The following TLK2 variants were observed in gnomAD, a reference collection of about 807,000 sequenced individuals.
TLK2 encodes tousled like kinase 2.
A neutral mutation model predicts 117.3 loss-of-function variants in TLK2; 6 were observed. The ratio of observed to expected loss-of-function variants is 0.05; its 90% CI spans 0.03 to 0.10. The LOEUF (loss-of-function observed/expected upper bound fraction) is 0.10, where lower values mean the gene tolerates loss of function less well. Ranked by LOEUF, TLK2 falls within the 10% of genes least tolerant of loss-of-function variation. The pLI, the probability that TLK2 is intolerant of heterozygous loss-of-function variation, is 1.00. For missense variants in TLK2, 299 were observed against 901.2 expected, an observed-to-expected ratio of 0.33 and a Z score of 8.56; for synonymous variants, 257 against 316.7, an observed-to-expected ratio of 0.81 and a Z score of 2.00.
At chr17:62,530,125 T>A (rs1174561057) in intron 6 of TLK2, among the ~76,000 whole-genome samples, 2 of 151,998 alleles carry the variant, frequency 1.3e-5, no homozygotes, top group African/African-American at 4.8e-5. Flanking sequence ...ATACAAAAAC[T>A]TAGCTGGGCT....
chr17:62,596,576 T>C lies in TLK2; in HGVS notation c.1461-9T>C. The C allele has an allele frequency of 3.7e-6, 6 of 1,612,088 alleles. No individual in the cohort carries two copies. Among genetic ancestry groups the C allele is most frequent in the Non-Finnish European group, 4.2e-6 (5 of 1,178,400 alleles). Reference sequence around the variant, plus strand: ...ATACCTTCTTGTTAATTTTCCCTTTTGTTTACAGGCATGCATGTAGGGAAT... The same window carrying C: ...ATACCTTCTTGTTAATTTTCCCTTTCGTTTACAGGCATGCATGTAGGGAAT... On this transcript the variant is annotated splice_polypyrimidine_tract_variant and intron_variant, in intron 16 of 21. Transcript: ENST00000346027.
intron 2 of TLK2, among the ~76,000 whole-genome samples, chr17:62,505,997 C>T (rs1466417266): frequency 6.6e-6 from 1 of 152,202 alleles, no homozygotes; most frequent in African/African-American, 2.4e-5. Flanking sequence ...CCAGTCAATA[C>T]ACTTTAATCC....
At chr17:62,589,171 AAAC>A (rs1189403206) in intron 16 of TLK2, among the ~76,000 whole-genome samples, 2 of 152,160 alleles carry the variant, frequency 1.3e-5, no homozygotes, top group African/African-American at 4.8e-5. Flanking sequence ...TATATTATAA[AAAC>A]AAATTTTATT....
upstream of TLK2, among the ~76,000 whole-genome samples, chr17:62,478,613 G>T (rs1350141548): frequency 1.3e-5 from 2 of 150,908 alleles, no homozygotes; most frequent in Non-Finnish European, 3.0e-5. Context: ...GCCGGCGCGG[G>T]GTCCCCTGGT....
rs1385400505 is a variant in TLK2, at chr17:62,614,275, T to G, written c.*1710T>G. The G allele has an allele frequency of 2.0e-5, 3 of 152,200 alleles. No individual in the cohort carries two copies. The highest frequency in any genetic ancestry group is 7.2e-5 in the African/African-American group (3 of 41,442). 9.4% of individuals were successfully genotyped at this position (152,200 alleles called of 1,614,324 possible). ...GGAGACGGGTGGCCCCACCGTGCCC[T>G]TGAAACAGCAGAGCACTCCTCAGTA... is the stretch of plus-strand genomic sequence containing the variant. On this transcript the variant is annotated 3_prime_UTR_variant, in exon 22 of 22. Transcript: ENST00000346027.
chr17:62,578,293 G>A (rs942114966), intron 13 of TLK2, among the ~76,000 whole-genome samples, 184 bp from the exon 14 acceptor site: 18 of 151,922 alleles, frequency 1.2e-4, no homozygotes, highest in Non-Finnish European at 1.5e-5. Context: ...TCCTCTGTAT[G>A]GTTTGAATTT....
At chr17:62,604,702 A>G (rs1243379528) in intron 19 of TLK2, among the ~76,000 whole-genome samples, 2 of 151,492 alleles carry the variant, frequency 1.3e-5, no homozygotes, top group Non-Finnish European at 2.9e-5. Context: ...TGAGGTCAAG[A>G]GATCGAGACC....
intron 21 of TLK2, among the ~76,000 whole-genome samples, chr17:62,611,192 T>G (rs1407141695): frequency 6.6e-6 from 1 of 152,238 alleles, no homozygotes; most frequent in Non-Finnish European, 1.5e-5. Context: ...ATAACCTGTT[T>G]AACTCCAATT....
chr17:62,552,510 C>T (rs2078546941), intron 8 of TLK2, 113 bp downstream of exon 8: 1 of 1,524,796 alleles, frequency 6.6e-7, no homozygotes, highest in Non-Finnish European at 8.9e-7. Context: ...CTGACCACCT[C>T]ATTATTTGTG....
chr17:62,511,717 A>C (rs2075158556), intron 2 of TLK2, among the ~76,000 whole-genome samples: 2 of 152,140 alleles, frequency 1.3e-5, no homozygotes, highest in African/African-American at 4.8e-5. Context: ...ATTTCCTTGA[A>C]GTTCCAAGAT....
chr17:62,569,397 A>T (rs1222876627), intron 11 of TLK2, among the ~76,000 whole-genome samples: 2 of 150,518 alleles, frequency 1.3e-5, no homozygotes, highest in Non-Finnish European at 2.9e-5. Context: ...CAGATTATTT[A>T]AAATAATTTT....
chr17:62,543,972 T>C (rs2077724730), intron 7 of TLK2, among the ~76,000 whole-genome samples: 1 of 152,222 alleles, frequency 6.6e-6, no homozygotes, highest in Non-Finnish European at 1.5e-5. Context: ...CTCTTATATT[T>C]AGGTCTTTTT....
intron 6 of TLK2, among the ~76,000 whole-genome samples, chr17:62,528,828 C>T (rs879266079): frequency 1.3e-5 from 2 of 152,142 alleles, no homozygotes; most frequent in Non-Finnish European, 2.9e-5. Context: ...CACAAAAAAG[C>T]TCTCAGAAAA....
chr17:62,552,252 G>A lies in TLK2; in HGVS notation c.532-50G>A, dbSNP rs769131929. Reference sequence around the variant, plus strand: ...TGTTTGCATTAATACAAGTGTTTGTGGAAAAAGATGCCAAACTTTCCTGTG... The same window carrying A: ...TGTTTGCATTAATACAAGTGTTTGTAGAAAAAGATGCCAAACTTTCCTGTG... On this transcript the variant is annotated intron_variant, in intron 7 of 21. Transcript: ENST00000346027. 7 of 1,448,888 alleles carry A rather than the reference G, an allele frequency of 4.8e-6. No individual in the cohort carries two copies. The South Asian group carries it at 6.1e-5, about 13-fold the overall frequency. The allele number at this position is 1,448,888 out of a possible 1,614,324, so 89.8% of individuals were successfully genotyped here. A position where few individuals can be genotyped will look rare whatever the true frequency, so the allele number is the denominator to read the frequency against.
In TLK2 at chr17:62,522,095, G is replaced by A. The variant is rs2076085111; in HGVS notation, c.154-109G>A. On this transcript the variant is annotated intron_variant, in intron 3 of 21. Coordinates refer to ENST00000346027, the MANE Select transcript of TLK2 (RefSeq NM_006852.6). ...GAAGACAGTGATTCAGGACTTGTCT[G>A]GGCCAGTTATATCTGTTTATATATT... is the stretch of plus-strand genomic sequence containing the variant. 1.0e-5 allele frequency: 12 copies of A among 1,157,678 alleles called. No homozygotes were observed. In the South Asian group the frequency reaches 1.8e-4, roughly 17 times the overall value. The allele number at this position is 1,157,678 out of a possible 1,614,324, so 71.7% of individuals were successfully genotyped here. A position where few individuals can be genotyped will look rare whatever the true frequency, so the allele number is the denominator to read the frequency against.
At chr17:62,592,187 G>A (rs565925541) in intron 16 of TLK2, among the ~76,000 whole-genome samples, 7 of 151,838 alleles carry the variant, frequency 4.6e-5, no homozygotes, top group Admixed American at 6.6e-5. Context: ...TTGAACTCCC[G>A]ACCTCAGGTG....
chr17:62,608,002 A>C, intron 20 of TLK2, 39 bp from the exon 21 acceptor site: 1 of 1,537,710 alleles, frequency 6.5e-7, no homozygotes, highest in South Asian at 1.2e-5. Context: ...TATAATTTTC[A>C]TCAGAGGCCT....
At chr17:62,478,719 C>T (rs1429814747), upstream of TLK2, among the ~76,000 whole-genome samples, 2 of 110,300 alleles carry the variant, frequency 1.8e-5, no homozygotes, top group African/African-American at 6.3e-5. Context: ...TCCCCCTGCT[C>T]CCCCACTGTC....
At chr17:62,572,995 T>C (rs2086420961) in intron 11 of TLK2, 1 of 473,592 alleles carries the variant, frequency 2.1e-6, no homozygotes, top group Non-Finnish European at 3.8e-6. Flanking sequence ...ACTCTGAAAA[T>C]AGTAATAACT....
Sources: gnomAD v4.1 joint callset for allele counts (sites outside exome capture counted in the v4.1 genomes callset) on GRCh38, gnomAD v4.1.1 for gene constraint, MANE v1.5 for transcripts, NCBI Gene and HGNC (gene_info 2026-07-23, HGNC 2026-07-21) for gene names.